The following GGTA1 variants were observed in gnomAD, a reference collection of about 807,000 sequenced individuals.
GGTA1 encodes inactive N-acetyllactosaminide alpha-1,3-galactosyltransferase.
In GGTA1, 5 loss-of-function variants were observed where a neutral mutation model predicts 2.6. That is an observed-to-expected ratio of 1.92 (90% CI 1.00 to 4.04). The LOEUF (loss-of-function observed/expected upper bound fraction) is 4.04, where lower values mean the gene tolerates loss of function less well. GGTA1 is among the 30% of genes most tolerant of loss of function. GGTA1 has a pLI of 0.00. For synonymous variants in GGTA1, 17 were observed against 5.0 expected, an observed-to-expected ratio of 3.38 and a Z score of -3.19; for missense variants, 50 against 16.7, an observed-to-expected ratio of 2.99 and a Z score of -3.47.
chr9:121,488,612 G>A (rs1026861625), intron 1 of GGTA1, among the ~76,000 whole-genome samples: 18 of 152,322 alleles, frequency 1.2e-4, no homozygotes, highest in Non-Finnish European at 2.5e-4. Context: ...AGCTACTTGG[G>A]AGGCTGAGGC....
At chr9:121,480,480 G>C (rs564544584) in intron 1 of GGTA1, among the ~76,000 whole-genome samples, 9 of 152,264 alleles carry the variant, frequency 5.9e-5, no homozygotes, top group African/African-American at 2.2e-4. Flanking sequence ...GGGAAATGAT[G>C]CTCAAAGCCC....
chr9:121,493,847 C>G (rs1375038327), intron 1 of GGTA1, among the ~76,000 whole-genome samples: 2 of 151,384 alleles, frequency 1.3e-5, no homozygotes, highest in East Asian at 3.9e-4. Flanking sequence ...ACCTCCACCT[C>G]CCGAGTTCAA....
At chr9:121,477,457 T>A (rs1236003142) in intron 1 of GGTA1, among the ~76,000 whole-genome samples, 1 of 152,230 alleles carries the variant, frequency 6.6e-6, no homozygotes, top group Admixed American at 6.5e-5. Context: ...CTTATGTCGT[T>A]GTTTTCTGGA....
intron 1 of GGTA1, among the ~76,000 whole-genome samples, chr9:121,472,026 GGTAACCCTGAGCA>G (rs2118707660): frequency 6.6e-6 from 1 of 152,262 alleles, no homozygotes; most frequent in South Asian, 2.1e-4. Flanking sequence ...AATGAAGCTG[GGTAACCCTGAGCA>G]GTGGCCCTCA....
At chr9:121,484,245 T>G (rs1173146597) in intron 1 of GGTA1, among the ~76,000 whole-genome samples, 2 of 152,198 alleles carry the variant, frequency 1.3e-5, no homozygotes, top group Non-Finnish European at 2.9e-5. Context: ...ATGTATATTT[T>G]ATGACAATTA....
At chr9:121,497,029 C>T (rs930373976) in intron 1 of GGTA1, among the ~76,000 whole-genome samples, 3 of 151,804 alleles carry the variant, frequency 2.0e-5, no homozygotes, top group African/African-American at 7.3e-5. Flanking sequence ...CCTGTCTCTA[C>T]TAAAAATTAA....
chr9:121,482,273 G>A (rs962928879), intron 1 of GGTA1, among the ~76,000 whole-genome samples: 7 of 152,074 alleles, frequency 4.6e-5, no homozygotes, highest in African/African-American at 1.7e-4. Context: ...ATGGAGACCA[G>A]TCTAGGCAAT....
Position 121,455,624 on chromosome 9 carries a change from GACCCAC to G in GGTA1, c.*207_*212del, listed in dbSNP as rs1247141241. On this transcript the variant is annotated 3_prime_UTR_variant, in exon 6 of 6. Transcript: ENST00000481799. ...ACCCAACTGGAGTGTCTGATCCCCTGACCCACATTTCCCAGTTCCCTGCTCTATACC... is the reference window on the plus strand; with the variant it reads ...ACCCAACTGGAGTGTCTGATCCCCTGATTTCCCAGTTCCCTGCTCTATACC... 5.0e-6 allele frequency: 1 copy of G among 199,324 alleles called. No individual in the cohort carries two copies. The allele number at this position is 199,324 out of a possible 1,614,324, so 12.3% of individuals were successfully genotyped here. A position where few individuals can be genotyped will look rare whatever the true frequency, so the allele number is the denominator to read the frequency against.
chr9:121,497,805 A>G (rs925825032), intron 1 of GGTA1, among the ~76,000 whole-genome samples: 1 of 152,204 alleles, frequency 6.6e-6, no homozygotes, highest in Non-Finnish European at 1.5e-5. Context: ...AGAGGATGAG[A>G]TTCACAGGCT....
At chr9:121,451,013 A>G (rs558379384), downstream of GGTA1, among the ~76,000 whole-genome samples, 3 of 152,286 alleles carry the variant, frequency 2.0e-5, no homozygotes, top group Admixed American at 1.3e-4. Context: ...TATACAAGGC[A>G]AAGGAATCGA....
exon 8 of GGTA1, chr9:121,447,563 A>G (rs975732126): frequency 6.6e-6 from 1 of 152,592 alleles, no homozygotes; most frequent in African/African-American, 2.4e-5. Context: ...CTATTAGCAG[A>G]TGTTATGAAC....
intron 1 of GGTA1, among the ~76,000 whole-genome samples, chr9:121,493,117 G>T (rs1828903841): frequency 6.6e-6 from 1 of 150,990 alleles, no homozygotes; most frequent in Admixed American, 6.6e-5. Context: ...CTGGGTGACG[G>T]AACGAGACTC....
rs778419825 is a variant in GGTA1 at position 121,460,197 on chromosome 9, C to T, written c.205G>A (p.Glu69Lys). The change falls in exon 5 of 6, where the codon GAA becomes AAA. Residue 69 changes from glutamate to lysine, a missense_variant. Glu to Lys is a moderately conservative substitution (Grantham distance 56). Transcript: ENST00000481799. ...NNGIHNYQQG[E>K]EDIDKEKGRE... ...CCTTTTTCTTTGTCTATGTCTTCTTCCCCTTGTTGATAATTGTGGATCCTA... is the reference window on the plus strand; with the variant it reads ...CCTTTTTCTTTGTCTATGTCTTCTTTCCCTTGTTGATAATTGTGGATCCTA... The T allele has an allele frequency of 6.1e-5, 28 of 456,926 alleles. No homozygotes were observed. Among genetic ancestry groups the T allele is most frequent in the Admixed American group, 5.2e-4 (22 of 42,560 alleles). The allele number at this position is 456,926 out of a possible 1,614,324, so 28.3% of individuals were successfully genotyped here.
chr9:121,498,405 C>G (rs970518846), intron 1 of GGTA1, among the ~76,000 whole-genome samples: 27 of 152,352 alleles, frequency 1.8e-4, no homozygotes, highest in African/African-American at 6.5e-4. Context: ...GTAGAAAGTG[C>G]CTGATGTAGT....
chr9:121,459,904 A>G (rs1361941818), intron 5 of GGTA1, among the ~76,000 whole-genome samples, 200 bp downstream of exon 5: 1 of 152,220 alleles, frequency 6.6e-6, no homozygotes, highest in Non-Finnish European at 1.5e-5. Flanking sequence ...GTTTTTGACC[A>G]TAACTCACAG....
intron 1 of GGTA1, among the ~76,000 whole-genome samples, chr9:121,484,930 C>A (rs1589337010): frequency 6.6e-6 from 1 of 152,188 alleles, no homozygotes; most frequent in Non-Finnish European, 1.5e-5. Context: ...AAAGCTCAAA[C>A]ACAAACTAAA....
At chr9:121,464,988 C>CAAAAAAAAAAAAAAAAAAAAAAAA (rs1325681219) in intron 2 of GGTA1, among the ~76,000 whole-genome samples, 2 of 121,852 alleles carry the variant, frequency 1.6e-5, no homozygotes, top group Non-Finnish European at 3.6e-5. Flanking sequence ...CGTAAAGTGG[C>CAAAAAAAAAAAAAAAAAAAAAAAA]AAAAAAACAA....
chr9:121,460,294 TG>T (rs1475520986), intron 4 of GGTA1, 75 bp from the exon 5 acceptor site: 4 of 449,434 alleles, frequency 8.9e-6, no homozygotes, highest in Admixed American at 2.4e-5. Context: ...GTGAATATCT[TG>T]TGGAAATGTG....
intron 1 of GGTA1, among the ~76,000 whole-genome samples, chr9:121,497,051 G>C (rs1829009937): frequency 6.6e-6 from 1 of 151,868 alleles, no homozygotes; most frequent in African/African-American, 2.4e-5. Context: ...AAATTAGCTG[G>C]GTATGGTGGT....
Sources: allele counts gnomAD v4.1 joint callset (sites outside exome capture counted in the v4.1 genomes callset), GRCh38; gene constraint gnomAD v4.1.1; transcripts MANE v1.5; gene names NCBI Gene and HGNC (gene_info 2026-07-23, HGNC 2026-07-21).